Variants in RNF44 observed in about 807,000 individuals in gnomAD.
RNF44 encodes ring finger protein 44.
In RNF44, 25 loss-of-function variants were observed where a neutral mutation model predicts 53.6. The observed-to-expected ratio is 0.47, with a 90% CI of 0.34 to 0.65. The LOEUF (loss-of-function observed/expected upper bound fraction) is 0.65. RNF44 is among the 30% of genes least tolerant of loss of function. The pLI is 0.01. For synonymous variants in RNF44, 282 were observed against 252.2 expected (o/e 1.12, Z -1.12); for missense variants, 581 against 595.5 (o/e 0.98, Z 0.25).
At chr5:176,533,675 C>T (rs1366240) in intron 1 of RNF44, among the ~76,000 whole-genome samples, 72,682 of 151,982 alleles carry the variant, frequency 0.48, 17,441 homozygotes, top group South Asian at 0.56. Context: ...AGAGAGGAAG[C>T]TGAATAGGAA....
Position 176,529,659 on chromosome 5 carries a change from G to C in RNF44, c.1015-15C>G. On this transcript the variant is annotated splice_polypyrimidine_tract_variant and intron_variant, in intron 8 of 10. Transcript: ENST00000274811. Reference sequence around the variant, plus strand: ...TTCAGGAGGGCCTGCATGCGGGCAGGAGACGGGGTCAGCGGCGCCCAGGGC... The same window carrying C: ...TTCAGGAGGGCCTGCATGCGGGCAGCAGACGGGGTCAGCGGCGCCCAGGGC... 2 of 1,613,552 alleles carry C rather than the reference G, an allele frequency of 1.2e-6. No individual in the cohort carries two copies. Among genetic ancestry groups the C allele is most frequent in the Non-Finnish European group, 1.7e-6 (2 of 1,179,830 alleles).
In RNF44 at chr5:176,529,015, CGG is replaced by C. The variant is rs1756300512; in HGVS notation, c.*11_*12del. 1.9e-6 allele frequency: 3 copies of C among 1,608,876 alleles called. No homozygotes were observed. Among genetic ancestry groups the C allele is most frequent in the Non-Finnish European group, 2.5e-6 (3 of 1,178,048 alleles). ...TTCAGGCAGGGTTCTCCCGGGCAGG[CGG>C]CTGCGTGGCCTCACTCAGCCTCCCT... is the stretch of plus-strand genomic sequence containing the variant. On this transcript the variant is annotated 3_prime_UTR_variant, in exon 11 of 11. Transcript: ENST00000274811.
intron 1 of RNF44, chr5:176,536,060 A>G (rs935479188): frequency 3.3e-5 from 5 of 152,254 alleles, no homozygotes; most frequent in African/African-American, 1.2e-4. Context: ...TTTGCAGATA[A>G]AAACAAAGTC....
At chr5:176,533,475 G>C (rs1287736452) in intron 1 of RNF44, among the ~76,000 whole-genome samples, 3 of 152,210 alleles carry the variant, frequency 2.0e-5, no homozygotes, top group African/African-American at 7.2e-5. Flanking sequence ...GTGGGCCAAA[G>C]AAAGCCTCTC....
chr5:176,532,630 C>A lies in RNF44; in HGVS notation c.-44-114G>T. ...TGGTGGTGGACACCTGTAATCCCAGCTACTTGGGAGGCTGAGGCATGAGAA... is the reference window on the plus strand; with the variant it reads ...TGGTGGTGGACACCTGTAATCCCAGATACTTGGGAGGCTGAGGCATGAGAA... On this transcript the variant is annotated intron_variant, in intron 1 of 10. Transcript: ENST00000274811. The A allele has an allele frequency of 1.2e-5, 10 of 861,740 alleles. No homozygotes were observed. The South Asian group carries it at 1.7e-4, about 14-fold the overall frequency. 53.4% of individuals were successfully genotyped at this position (861,740 alleles called of 1,614,324 possible). A position where few individuals can be genotyped will look rare whatever the true frequency, so the allele number is the denominator to read the frequency against.
At chr5:176,540,992 C>T (rs572593988), upstream of RNF44, among the ~76,000 whole-genome samples, 2 of 152,320 alleles carry the variant, frequency 1.3e-5, no homozygotes, top group South Asian at 2.1e-4. Context: ...GCTGTGGGGA[C>T]GTGGCCTGCA....
In RNF44 at chr5:176,532,060, G is replaced by A. The variant is rs557309360; in HGVS notation, c.241C>T (p.Arg81Ter). ...RASAPAGGSP[R>*]MLHPATQQSP... ...TGCTGGGTGGCTGGGTGCAGCATTCGGGGGCTCCCGCCGGCAGGAGCCGAG... is the reference window on the plus strand; with the variant it reads ...TGCTGGGTGGCTGGGTGCAGCATTCAGGGGCTCCCGCCGGCAGGAGCCGAG... Residue 81 changes from arginine to a stop codon, truncating the protein, a stop_gained, in exon 3 of 11, where the codon CGA (arginine) becomes TGA (stop). Transcript: ENST00000274811. LOFTEE classifies it high-confidence loss of function. 5.0e-6 allele frequency: 8 copies of A among 1,609,020 alleles called. No homozygotes were observed. Among genetic ancestry groups the A allele is most frequent in the South Asian group, 1.1e-5 (1 of 90,522 alleles).
intron 1 of RNF44, among the ~76,000 whole-genome samples, chr5:176,536,558 G>C (rs1757199898): frequency 6.6e-6 from 1 of 152,216 alleles, no homozygotes; most frequent in Non-Finnish European, 1.5e-5. Context: ...CTTTTGCGCC[G>C]CTCTCGGAGG....
Position 176,531,992 on chromosome 5 carries a change from G to T in RNF44, c.297+12C>A. On this transcript the variant is annotated intron_variant, in intron 3 of 10. Transcript: ENST00000274811. This position sits in a 1 kb window ranked among gnomAD's most constrained non-coding sequence, Gnocchi z 4.2. ...ACAGGGCCAGGGGCACAGGGGATGG[G>T]GTTCTGCCTACCTGCTCGTGGAGAT... 1 of 1,604,672 alleles carries T rather than the reference G, an allele frequency of 6.2e-7. No individual in the cohort carries two copies. The highest frequency in any genetic ancestry group is 8.5e-7 in the Non-Finnish European group (1 of 1,175,424).
At chr5:176,534,391 G>A (rs1345859033) in intron 1 of RNF44, among the ~76,000 whole-genome samples, 3 of 152,238 alleles carry the variant, frequency 2.0e-5, no homozygotes, top group African/African-American at 7.2e-5. Flanking sequence ...TCGGGGAATG[G>A]GTTTGTGACC....
upstream of RNF44, among the ~76,000 whole-genome samples, chr5:176,539,556 C>T (rs1349629716): frequency 6.6e-6 from 1 of 152,146 alleles, no homozygotes; most frequent in African/African-American, 2.4e-5. Context: ...GGCATGGTGG[C>T]ATGCACTTGT....
upstream of RNF44, among the ~76,000 whole-genome samples, chr5:176,540,339 C>T (rs1175132359): frequency 6.6e-6 from 1 of 152,142 alleles, no homozygotes; most frequent in Non-Finnish European, 1.5e-5. Context: ...TCCATCCCCA[C>T]CCCAGGAAAG....
upstream of RNF44, among the ~76,000 whole-genome samples, chr5:176,539,659 G>A (rs1026489958): frequency 2.0e-5 from 3 of 151,622 alleles, no homozygotes; most frequent in Non-Finnish European, 4.4e-5. Context: ...CTGCACTCCA[G>A]CCTGGGTGAC....
Position 176,528,644 on chromosome 5 carries a change from T to A in RNF44, c.*384A>T. On this transcript the variant is annotated 3_prime_UTR_variant, in exon 11 of 11. Coordinates refer to ENST00000274811, the MANE Select transcript of RNF44 (RefSeq NM_014901.5). ...CGCCATTTCAGAGCATGAGACCTTCTGACCCAGGATGGTGCTCTGTCTGCC... is the reference window on the plus strand; with the variant it reads ...CGCCATTTCAGAGCATGAGACCTTCAGACCCAGGATGGTGCTCTGTCTGCC... 3.9e-6 allele frequency: 1 copy of A among 257,932 alleles called. No individual in the cohort carries two copies. Among genetic ancestry groups the A allele is most frequent in the Non-Finnish European group, 7.5e-6 (1 of 133,344 alleles). 16.0% of individuals were successfully genotyped at this position (257,932 alleles called of 1,614,324 possible). A position where few individuals can be genotyped will look rare whatever the true frequency, so the allele number is the denominator to read the frequency against.
chr5:176,535,380 C>A (rs1220936856), intron 1 of RNF44, among the ~76,000 whole-genome samples: 1 of 152,320 alleles, frequency 6.6e-6, no homozygotes, highest in East Asian at 1.9e-4. Context: ...TGAAGGGTGC[C>A]ACTTCCGGGG....
In RNF44 at chr5:176,532,443, C is replaced by T; in HGVS notation, c.30G>A (p.Arg10=). ...GGCCCACGGGGGCGGAGGGTGGCCA[C>T]CTAGTCACTGCCAGAGCCCATGGTC... MRPWALAVT[R]WPPSAPVGQR... is the part of the protein sequence containing the mutation. Residue 10 remains arginine, a synonymous_variant, in exon 2 of 11, where the codon AGG becomes AGA. Coordinates refer to ENST00000274811, the MANE Select transcript of RNF44 (RefSeq NM_014901.5). 1 of 1,604,460 alleles carries T rather than the reference C, an allele frequency of 6.2e-7. No homozygotes were observed. Among genetic ancestry groups the T allele is most frequent in the East Asian group, 2.2e-5 (1 of 44,768 alleles).
At chr5:176,539,460 C>T (rs908586261), upstream of RNF44, among the ~76,000 whole-genome samples, 1 of 152,266 alleles carries the variant, frequency 6.6e-6, no homozygotes, top group South Asian at 2.1e-4. Context: ...GAGATCCAGG[C>T]GGGCAGATCA....
chr5:176,539,988 T>C (rs1757411483), upstream of RNF44, among the ~76,000 whole-genome samples: 1 of 152,192 alleles, frequency 6.6e-6, no homozygotes, highest in African/African-American at 2.4e-5. Context: ...TGCCAATCCA[T>C]TTCACTTTTC....
intron 1 of RNF44, among the ~76,000 whole-genome samples, chr5:176,536,697 G>A (rs1487020076): frequency 6.6e-6 from 1 of 152,142 alleles, no homozygotes; most frequent in Non-Finnish European, 1.5e-5. Flanking sequence ...GGCCGCAGGG[G>A]GAGGGGGGCG....
Sources: gnomAD v4.1 joint callset for allele counts (sites outside exome capture counted in the v4.1 genomes callset) on GRCh38, gnomAD v4.1.1 for gene constraint, Gnocchi (gnomAD v3.1) non-coding constraint, MANE v1.5 for transcripts, NCBI Gene and HGNC (gene_info 2026-07-23, HGNC 2026-07-21) for gene names.